Variants in SLC16A12 observed in about 807,000 individuals in gnomAD.
SLC16A12 encodes the protein monocarboxylate transporter 12.
In SLC16A12, 17 loss-of-function variants were observed where a neutral mutation model predicts 42.4. The ratio of observed to expected loss-of-function variants is 0.40; its 90% confidence interval spans 0.27 to 0.60. The LOEUF (loss-of-function observed/expected upper bound fraction) is 0.60. SLC16A12 is among the 20% of genes least tolerant of loss of function. The probability of loss-of-function intolerance (pLI) is 0.42; values close to 1 mark genes in which losing one functional copy is unlikely to be tolerated. For synonymous variants in SLC16A12, 224 were observed against 229.4 expected (o/e 0.98, Z 0.21); for missense variants, 544 against 623.0 (o/e 0.87, Z 1.35).
upstream of SLC16A12, among the ~76,000 whole-genome samples, chr10:89,536,723 T>C (rs894950074): frequency 3.3e-5 from 5 of 152,288 alleles, no homozygotes; most frequent in African/African-American, 1.2e-4. Context: ...TGGGTGCTTG[T>C]TAAAAATGCG....
At chr10:89,461,357 T>C (rs1238718953) in intron 3 of SLC16A12, among the ~76,000 whole-genome samples, 2 of 152,178 alleles carry the variant, frequency 1.3e-5, no homozygotes, top group Non-Finnish European at 2.9e-5. Flanking sequence ...ATTTAAATTC[T>C]AGGTTTTAAG....
intron 2 of SLC16A12, among the ~76,000 whole-genome samples, chr10:89,474,893 G>T (rs1231225263): frequency 6.6e-6 from 1 of 152,124 alleles, no homozygotes; most frequent in Non-Finnish European, 1.5e-5. Context: ...TCTACCTCAG[G>T]TCTGATTTCA....
intron 2 of SLC16A12, among the ~76,000 whole-genome samples, chr10:89,480,969 T>C (rs1842651595): frequency 6.6e-6 from 1 of 152,186 alleles, no homozygotes; most frequent in East Asian, 1.9e-4. Context: ...ACTAAATATC[T>C]GTGTCTACGT....
chr10:89,539,809 A>G (rs748203982), upstream of SLC16A12, among the ~76,000 whole-genome samples: 4 of 152,168 alleles, frequency 2.6e-5, no homozygotes, highest in Non-Finnish European at 4.4e-5. Context: ...AGGGCAATAC[A>G]TGGACAAGGA....
intron 2 of SLC16A12, among the ~76,000 whole-genome samples, chr10:89,512,446 G>T (rs780920770): frequency 6.6e-6 from 1 of 152,180 alleles, no homozygotes; most frequent in East Asian, 1.9e-4. Flanking sequence ...TGTGATTAGA[G>T]GGTTGGAACT....
In SLC16A12 at chr10:89,484,413, G is replaced by A. The variant is rs186802378; in HGVS notation, c.-46-21789C>T. ...TCTCCATACCATAACAAAAAATCTT[G>A]TCCTAAGGATTTCTGAAAAGAGTTT... On this transcript the variant is annotated intron_variant, in intron 2 of 7. Coordinates refer to ENST00000371790, the MANE Select transcript of SLC16A12 (RefSeq NM_213606.4). Among the ~76,000 whole-genome samples, 169 of 152,274 alleles carry A rather than the reference G, an allele frequency of 1.1e-3. 2 individuals are homozygous for A. Among genetic ancestry groups the A allele is most frequent in the African/African-American group, 3.9e-3 (161 of 41,542 alleles).
chr10:89,449,111 CACAA>C (rs1232775722), intron 3 of SLC16A12, among the ~76,000 whole-genome samples: 2 of 152,206 alleles, frequency 1.3e-5, no homozygotes, highest in African/African-American at 4.8e-5. Flanking sequence ...TAAAAGAGGA[CACAA>C]ACAAATGGAA....
chr10:89,503,240 C>T (rs1843013744), intron 2 of SLC16A12, among the ~76,000 whole-genome samples: 1 of 152,164 alleles, frequency 6.6e-6, no homozygotes, highest in South Asian at 2.1e-4. Context: ...ATATGCCTTA[C>T]TAAAGTGGTG....
At chr10:89,525,214 C>T (rs529862821) in intron 2 of SLC16A12, among the ~76,000 whole-genome samples, 6 of 115,504 alleles carry the variant, frequency 5.2e-5, no homozygotes, top group Non-Finnish European at 9.9e-5. Context: ...GAACGAGACA[C>T]CATATCAAAA....
At chr10:89,486,603 A>AAAAAG (rs1842747777) in intron 2 of SLC16A12, among the ~76,000 whole-genome samples, 2 of 70,410 alleles carry the variant, frequency 2.8e-5, no homozygotes, top group African/African-American at 5.3e-5. Flanking sequence ...AAAAAAAAAA[A>AAAAAG]AAAGAAAGAA....
chr10:89,536,485 T>C (rs1201473833), upstream of SLC16A12, among the ~76,000 whole-genome samples: 1 of 151,872 alleles, frequency 6.6e-6, no homozygotes, highest in Non-Finnish European at 1.5e-5. Flanking sequence ...ATGAGTGAGG[T>C]GTAGGCGCCC....
rs557520309 is a variant in SLC16A12, at chr10:89,519,296, T to G, written c.-47+15205A>C. Among the ~76,000 whole-genome samples the G allele has an allele frequency of 2.0e-5, 3 of 147,400 alleles. No homozygotes were observed. In the South Asian group the frequency reaches 6.6e-4, roughly 33 times the overall value. On this transcript the variant is annotated intron_variant, in intron 2 of 7. Transcript: ENST00000371790. ...TATCCTCACTGCTGGGTGAATCATTTGTACACGAAACCCCACCAACACACA... is the reference window on the plus strand; with the variant it reads ...TATCCTCACTGCTGGGTGAATCATTGGTACACGAAACCCCACCAACACACA...
At chr10:89,531,536 G>T (rs980004230) in intron 2 of SLC16A12, among the ~76,000 whole-genome samples, 1 of 152,134 alleles carries the variant, frequency 6.6e-6, no homozygotes, top group Admixed American at 6.5e-5. Context: ...TTCCCACAGC[G>T]GTCTCTGTGT....
intron 2 of SLC16A12, among the ~76,000 whole-genome samples, chr10:89,498,016 A>T (rs973077003): frequency 3.3e-5 from 5 of 152,210 alleles, no homozygotes; most frequent in Non-Finnish European, 4.4e-5. Flanking sequence ...TAGTAAAAAT[A>T]AAGATAGTAG....
chr10:89,439,931 C>T (rs979611460), intron 5 of SLC16A12, among the ~76,000 whole-genome samples: 6 of 151,424 alleles, frequency 4.0e-5, no homozygotes, highest in African/African-American at 1.5e-4. Context: ...AAAAATTAAC[C>T]AGGTGTGGTG....
At chr10:89,541,096 T>C (rs1039182640) in intron 2 of SLC16A12, among the ~76,000 whole-genome samples, 1 of 151,754 alleles carries the variant, frequency 6.6e-6, no homozygotes, top group African/African-American at 2.4e-5. Context: ...TAATTTTTTT[T>C]TTTGTATTTT....
chr10:89,549,390 C>T (rs1434319545), intron 2 of SLC16A12, among the ~76,000 whole-genome samples: 2 of 152,208 alleles, frequency 1.3e-5, no homozygotes, highest in African/African-American at 4.8e-5. Context: ...GACACATTTA[C>T]ACATTCATAT....
chr10:89,441,071 G>C (rs569770341), intron 5 of SLC16A12, 37 bp downstream of exon 5: 2 of 1,611,660 alleles, frequency 1.2e-6, no homozygotes, highest in Non-Finnish European at 1.7e-6. Flanking sequence ...ACCCCTGAAT[G>C]GAGTGGGGTG....
intron 3 of SLC16A12, among the ~76,000 whole-genome samples, chr10:89,446,472 G>C (rs1232484600): frequency 6.6e-6 from 1 of 152,176 alleles, no homozygotes; most frequent in Non-Finnish European, 1.5e-5. Context: ...TAAAGAAAAA[G>C]AATTTTCAAC....
Sources: gnomAD v4.1 joint callset for allele counts (sites outside exome capture counted in the v4.1 genomes callset) on GRCh38, gnomAD v4.1.1 for gene constraint, MANE v1.5 for transcripts, NCBI Gene and HGNC (gene_info 2026-07-23, HGNC 2026-07-21) for gene names.